RBFOX1: variants seen among roughly 807,000 people sequenced by gnomAD.
The protein encoded by RBFOX1 is RNA binding protein fox-1 homolog 1.
Under a neutral mutation model 57.7 loss-of-function variants are expected in RBFOX1, and 8 were observed. That is an observed-to-expected ratio of 0.14 (90% CI 0.08 to 0.25). The LOEUF is 0.25. Ranked by LOEUF, RBFOX1 falls within the 10% of genes least tolerant of loss-of-function variation. RBFOX1 has a pLI of 1.00. For missense variants in RBFOX1, 611 were observed against 548.5 expected, an observed-to-expected ratio of 1.11 and a Z score of -1.14; for synonymous variants, 326 against 222.4, an observed-to-expected ratio of 1.47 and a Z score of -4.15.
chr16:6,312,023 A>G, intron 1 of RBFOX1, among the ~76,000 whole-genome samples: 1 of 152,196 alleles, frequency 6.6e-6, no homozygotes, highest in African/African-American at 2.4e-5. Context: ...CATGTATGCA[A>G]TCATAATCCC....
At chr16:7,178,878 C>A (rs1447135542) in intron 4 of RBFOX1, among the ~76,000 whole-genome samples, 1 of 152,042 alleles carries the variant, frequency 6.6e-6, no homozygotes, top group African/African-American at 2.4e-5. Flanking sequence ...CTGTACTGAT[C>A]CAGTTTGGTT....
At chr16:5,485,724 T>A (rs1056012458) in intron 2 of RBFOX1, among the ~76,000 whole-genome samples, 20 of 152,224 alleles carry the variant, frequency 1.3e-4, no homozygotes, top group Non-Finnish European at 2.8e-4. Flanking sequence ...ACCCTTGGTC[T>A]ATTTTAGGGC....
chr16:7,238,267 G>A (rs1997512), intron 4 of RBFOX1, among the ~76,000 whole-genome samples: 37,600 of 151,824 alleles, frequency 0.25, 5,034 homozygotes, highest in African/African-American at 0.36. Context: ...ATGAATGTTG[G>A]GAATGGCTGT....
At chr16:7,686,258 T>G (rs1447157812) in intron 14 of RBFOX1, among the ~76,000 whole-genome samples, 2 of 152,070 alleles carry the variant, frequency 1.3e-5, no homozygotes, top group East Asian at 3.9e-4. Context: ...TAAATACATT[T>G]GTTTTTGGTT....
At chr16:7,208,034 C>T (rs2090351477) in intron 4 of RBFOX1, among the ~76,000 whole-genome samples, 6 of 152,266 alleles carry the variant, frequency 3.9e-5, no homozygotes, top group Admixed American at 3.9e-4. Flanking sequence ...ATGGTATCTT[C>T]TCTGGAAAAC....
At chr16:6,294,786 G>A (rs1041814813) in intron 1 of RBFOX1, among the ~76,000 whole-genome samples, 1 of 152,142 alleles carries the variant, frequency 6.6e-6, no homozygotes, top group Non-Finnish European at 1.5e-5. Context: ...CTCTTGTTTT[G>A]AGTCTCTGAT....
intron 4 of RBFOX1, among the ~76,000 whole-genome samples, chr16:5,984,963 TATATA>T (rs1178136253): frequency 1.0e-3 from 42 of 40,014 alleles, no homozygotes; most frequent in Non-Finnish European, 4.0e-4. Context: ...TATATATATA[TATATA>T]TATATATATT....
At chr16:5,631,202 G>T (rs550333974) in intron 3 of RBFOX1, among the ~76,000 whole-genome samples, 3 of 152,222 alleles carry the variant, frequency 2.0e-5, no homozygotes, top group Non-Finnish European at 4.4e-5. Context: ...TGATGATGAT[G>T]TTGGTGGCTG....
chr16:5,986,093 G>T (rs995382930), intron 4 of RBFOX1, among the ~76,000 whole-genome samples: 14 of 147,026 alleles, frequency 9.5e-5, no homozygotes, highest in East Asian at 6.0e-4. Flanking sequence ...ACAGGGTCTC[G>T]CTCTTGTTAC....
At chr16:6,035,484 C>T (rs1033847848) in intron 1 of RBFOX1, among the ~76,000 whole-genome samples, 29 of 152,074 alleles carry the variant, frequency 1.9e-4, no homozygotes, top group African/African-American at 6.0e-4. Flanking sequence ...AGTTTAGAAA[C>T]GTCCTTGAAA....
At chr16:6,152,634 C>T (rs1055484578) in intron 1 of RBFOX1, among the ~76,000 whole-genome samples, 1 of 152,310 alleles carries the variant, frequency 6.6e-6, no homozygotes, top group African/African-American at 2.4e-5. Context: ...TTACTACAAG[C>T]GCTTCATTGA....
chr16:5,740,559 G>A lies in RBFOX1; in HGVS notation c.319-126744G>A, dbSNP rs76629813. ...AAAACCAAACCCAAAATGATAAGCAGAAAGGGAATCTGTCAAGTCATGCAA... is the reference window on the plus strand; with the variant it reads ...AAAACCAAACCCAAAATGATAAGCAAAAAGGGAATCTGTCAAGTCATGCAA... On this transcript the variant is annotated intron_variant, in intron 3 of 19. Coordinates refer to the RBFOX1 transcript ENST00000641259. Among the ~76,000 whole-genome samples, 1,055 of 152,322 alleles carry A rather than the reference G, an allele frequency of 6.9e-3. 14 individuals are homozygous for A. Among genetic ancestry groups the A allele is most frequent in the African/African-American group, 0.024 (995 of 41,564 alleles).
At chr16:6,173,951 T>G (rs11647450) in intron 1 of RBFOX1, among the ~76,000 whole-genome samples, 1 of 151,806 alleles carries the variant, frequency 6.6e-6, no homozygotes, top group African/African-American at 2.4e-5. Context: ...TTTGAAGTCA[T>G]TAAAGTTACA....
At chr16:6,662,575 G>A (rs920118672) in intron 3 of RBFOX1, among the ~76,000 whole-genome samples, 4 of 152,010 alleles carry the variant, frequency 2.6e-5, no homozygotes, top group Non-Finnish European at 1.5e-5. Flanking sequence ...ATCAAATCAC[G>A]TAGTAGGGAA....
At chr16:6,576,404 A>G (rs980561901) in intron 2 of RBFOX1, among the ~76,000 whole-genome samples, 24 of 152,200 alleles carry the variant, frequency 1.6e-4, no homozygotes, top group Admixed American at 5.9e-4. Flanking sequence ...TGCCAACTCC[A>G]CATAGTGGAC....
intron 2 of RBFOX1, among the ~76,000 whole-genome samples, chr16:6,501,611 C>T (rs890549447): frequency 1.3e-5 from 2 of 152,072 alleles, no homozygotes; most frequent in African/African-American, 2.4e-5. Context: ...CGTGTGCATG[C>T]ATGTGTCTTT....
intron 4 of RBFOX1, among the ~76,000 whole-genome samples, chr16:5,895,361 T>C (rs1473924608): frequency 6.6e-6 from 1 of 152,228 alleles, no homozygotes; most frequent in East Asian, 1.9e-4. Context: ...CTGTCTCAGA[T>C]ATTAGATTTC....
chr16:6,192,128 C>G (rs1320251375), intron 1 of RBFOX1, among the ~76,000 whole-genome samples: 3 of 152,164 alleles, frequency 2.0e-5, no homozygotes, highest in African/African-American at 4.8e-5. Flanking sequence ...GTATCAATAA[C>G]TATTAATTCT....
intron 1 of RBFOX1, among the ~76,000 whole-genome samples, chr16:5,290,419 AG>A (rs1271390949): frequency 6.6e-6 from 1 of 152,144 alleles, no homozygotes; most frequent in Non-Finnish European, 1.5e-5. Context: ...TAATGGATAC[AG>A]GGTTTCTTTT....
Sources: gnomAD v4.1 joint callset for allele counts (sites outside exome capture counted in the v4.1 genomes callset) on GRCh38, gnomAD v4.1.1 for gene constraint, MANE v1.5 for transcripts, NCBI Gene and HGNC (gene_info 2026-07-23, HGNC 2026-07-21) for gene names.